LARGE1: variants seen among roughly 807,000 people sequenced by gnomAD.
LARGE1 encodes the protein LARGE xylosyl- and glucuronyltransferase 1.
In LARGE1, 43 loss-of-function variants were observed where a neutral mutation model predicts 87.6. The ratio of observed to expected loss-of-function variants is 0.49; its 90% CI spans 0.38 to 0.63. LARGE1 has a LOEUF of 0.63. Ranked by LOEUF, LARGE1 falls within the 30% of genes least tolerant of loss-of-function variation. The pLI is 0.00. For missense variants in LARGE1, 802 were observed against 1,000.2 expected (o/e 0.80, Z 2.67); for synonymous variants, 434 against 394.6 (o/e 1.10, Z -1.18).
chr22:33,101,618 T>C, the LARGE1 span, among the ~76,000 whole-genome samples: 3 of 152,152 alleles, frequency 2.0e-5, no homozygotes, highest in African/African-American at 7.2e-5. Flanking sequence ...ATTCTAAGTA[T>C]TGTGTTTAAT....
intron 1 of LARGE1, among the ~76,000 whole-genome samples, chr22:33,892,893 GCA>G (rs1325767204): frequency 6.6e-6 from 1 of 152,222 alleles, no homozygotes; most frequent in Non-Finnish European, 1.5e-5. Context: ...CCGTGTGCAG[GCA>G]CACATCATGC....
chr22:33,297,296 C>T (rs1024843013), intron 12 of LARGE1, among the ~76,000 whole-genome samples: 8 of 152,138 alleles, frequency 5.3e-5, no homozygotes, highest in Admixed American at 3.3e-4. Flanking sequence ...ACAGTCTCTA[C>T]CCAGTGTGGC....
chr22:33,089,391 T>TTCC, the LARGE1 span, among the ~76,000 whole-genome samples: 566 of 136,364 alleles, frequency 4.2e-3, 4 homozygotes, highest in Non-Finnish European at 5.6e-3. Context: ...CTTCTTCCTC[T>TTCC]TCTTCTTCTT....
intron 6 of LARGE1, among the ~76,000 whole-genome samples, chr22:33,520,025 G>A (rs1313513793): frequency 1.6e-5 from 2 of 121,480 alleles, no homozygotes; most frequent in Non-Finnish European, 3.2e-5. Context: ...TTTTTTTGGA[G>A]TCAGGGTCTC....
chr22:33,485,194 T>C (rs923685665), intron 6 of LARGE1, among the ~76,000 whole-genome samples: 2 of 149,158 alleles, frequency 1.3e-5, no homozygotes, highest in African/African-American at 5.0e-5. Context: ...ACTACAGGCA[T>C]GAGCCACCGC....
intron 7 of LARGE1, among the ~76,000 whole-genome samples, chr22:33,395,216 G>C (rs549913034): frequency 1.7e-5 from 2 of 114,384 alleles, no homozygotes; most frequent in African/African-American, 4.1e-5. Flanking sequence ...GTGACGCAGC[G>C]ACTCTGCCTC....
At chr22:33,641,496 C>T (rs2080432334) in intron 3 of LARGE1, among the ~76,000 whole-genome samples, 1 of 152,162 alleles carries the variant, frequency 6.6e-6, no homozygotes, top group African/African-American at 2.4e-5. Context: ...CGCAACTCCT[C>T]TCCAGCAAGG....
At chr22:33,124,794 A>G in the LARGE1 span, among the ~76,000 whole-genome samples, 2 of 152,094 alleles carry the variant, frequency 1.3e-5, no homozygotes, top group Admixed American at 1.3e-4. Flanking sequence ...TTGAGCCCAG[A>G]AGTTCGAGAC....
chr22:33,087,521 T>A, the LARGE1 span, among the ~76,000 whole-genome samples: 1 of 152,248 alleles, frequency 6.6e-6, no homozygotes, highest in Non-Finnish European at 1.5e-5. Context: ...TATACAGCAC[T>A]GCTATATGAG....
At chr22:33,722,168 G>A (rs889845621) in intron 2 of LARGE1, among the ~76,000 whole-genome samples, 2 of 151,852 alleles carry the variant, frequency 1.3e-5, no homozygotes, top group African/African-American at 2.4e-5. Flanking sequence ...CAGGAGAATC[G>A]CTTGAACCTG....
At chr22:33,339,892 C>T (rs570436418) in intron 9 of LARGE1, among the ~76,000 whole-genome samples, 190 of 152,272 alleles carry the variant, frequency 1.2e-3, no homozygotes, top group African/African-American at 4.4e-3. Flanking sequence ...TCTCAAACTC[C>T]TGGGCTCAAG....
intron 6 of LARGE1, among the ~76,000 whole-genome samples, chr22:33,475,710 C>T (rs981134758): frequency 4.1e-4 from 62 of 151,998 alleles, no homozygotes; most frequent in Non-Finnish European, 2.4e-4. Flanking sequence ...TGATCTGCCC[C>T]GCCTCAGCCT....
chr22:33,895,594 T>C (rs1028709609), intron 1 of LARGE1, among the ~76,000 whole-genome samples: 1 of 152,172 alleles, frequency 6.6e-6, no homozygotes, highest in African/African-American at 2.4e-5. Context: ...CTGAGGTCCT[T>C]GCCTTCTTGC....
intron 11 of LARGE1, among the ~76,000 whole-genome samples, chr22:33,315,101 C>T (rs531633719): frequency 2.0e-4 from 31 of 152,172 alleles, no homozygotes; most frequent in African/African-American, 7.2e-4. Flanking sequence ...CCCAGCTACT[C>T]GGGAGGCTGA....
intron 2 of LARGE1, among the ~76,000 whole-genome samples, chr22:33,721,337 T>C (rs1371763640): frequency 6.6e-6 from 1 of 152,182 alleles, no homozygotes; most frequent in Admixed American, 6.5e-5. Flanking sequence ...TCATAGAATA[T>C]GGGCAAAAAT....
intron 1 of LARGE1, among the ~76,000 whole-genome samples, chr22:33,842,465 T>C (rs183617216): frequency 6.6e-6 from 1 of 152,336 alleles, no homozygotes. Flanking sequence ...AAGTTACTAA[T>C]ATTCATATCT....
At chr22:33,504,385 G>A (rs1278264990) in intron 6 of LARGE1, among the ~76,000 whole-genome samples, 2 of 152,022 alleles carry the variant, frequency 1.3e-5, no homozygotes, top group African/African-American at 4.8e-5. Flanking sequence ...TCAGCCTTCC[G>A]AGTAGCTGGG....
chr22:33,674,438 C>T (rs2081505539), intron 2 of LARGE1, among the ~76,000 whole-genome samples: 3 of 152,188 alleles, frequency 2.0e-5, no homozygotes, highest in African/African-American at 4.8e-5. Context: ...CTCTGCACAG[C>T]GGGAGCTGTT....
chr22:33,274,077 A>G lies in LARGE1; in HGVS notation c.*350T>C. Reference sequence around the variant, plus strand: ...CTCCCCAGTTATGATGGGAAGCATAATTATTAAAAAGCATCCAGAACATCC... The same window carrying G: ...CTCCCCAGTTATGATGGGAAGCATAGTTATTAAAAAGCATCCAGAACATCC... On this transcript the variant is annotated 3_prime_UTR_variant, in exon 15 of 15. Transcript: ENST00000397394. 2.3e-6 allele frequency: 1 copy of G among 431,984 alleles called. No homozygotes were observed. Among genetic ancestry groups the G allele is most frequent in the Non-Finnish European group, 4.2e-6 (1 of 237,878 alleles). The allele number at this position is 431,984 out of a possible 1,614,324, so 26.8% of individuals were successfully genotyped here. A position where few individuals can be genotyped will look rare whatever the true frequency, so the allele number is the denominator to read the frequency against.
Sources: allele counts gnomAD v4.1 joint callset (sites outside exome capture counted in the v4.1 genomes callset), GRCh38; gene constraint gnomAD v4.1.1; transcripts MANE v1.5; gene names NCBI Gene and HGNC (gene_info 2026-07-23, HGNC 2026-07-21).